SRPK1: variants seen among roughly 807,000 people sequenced by gnomAD.
SRPK1 encodes SRSF protein kinase 1.
A neutral mutation model predicts 89.5 loss-of-function variants in SRPK1; 52 were observed. That is an observed-to-expected ratio of 0.58 (90% CI 0.46 to 0.73). SRPK1 has a LOEUF of 0.73. SRPK1 is among the 30% of genes least tolerant of loss of function. The probability of loss-of-function intolerance (pLI) is 0.00; values close to 1 mark genes in which losing one functional copy is unlikely to be tolerated. For synonymous variants in SRPK1, 255 were observed against 270.2 expected (o/e 0.94, Z 0.55); for missense variants, 603 against 780.6 (o/e 0.77, Z 2.71).
chr6:35,867,528 A>C (rs1387088998), intron 12 of SRPK1, among the ~76,000 whole-genome samples: 1 of 152,222 alleles, frequency 6.6e-6, no homozygotes, highest in Non-Finnish European at 1.5e-5. Context: ...CATTAAAAAT[A>C]ACCTTGGTCA....
At chr6:35,915,406 C>CAAAAAA (rs560685673) in intron 2 of SRPK1, among the ~76,000 whole-genome samples, 3 of 73,878 alleles carry the variant, frequency 4.1e-5, no homozygotes, top group Admixed American at 1.6e-4. Flanking sequence ...GACACCGTCT[C>CAAAAAA]AAAAAAAAAA....
At chr6:35,864,912 T>C (rs1046502017) in intron 12 of SRPK1, among the ~76,000 whole-genome samples, 2 of 152,114 alleles carry the variant, frequency 1.3e-5, no homozygotes, top group African/African-American at 4.8e-5. Flanking sequence ...GATCATTATG[T>C]TAGATGAGAT....
At chr6:35,916,247 AATT>A (rs1281730187) in intron 2 of SRPK1, among the ~76,000 whole-genome samples, 102 of 149,744 alleles carry the variant, frequency 6.8e-4, no homozygotes, top group Middle Eastern at 6.8e-3. Flanking sequence ...TAAATAAATT[AATT>A]AATTAATTAA....
In SRPK1 at chr6:35,869,976, T is replaced by C; in HGVS notation, c.992-75A>G. ...AAGAACAGAAACATTTCTCACAAGA[T>C]TAAAACATTTTCTAGAACTTATACT... On this transcript the variant is annotated intron_variant, in intron 10 of 15. Coordinates refer to ENST00000373825, the MANE Select transcript of SRPK1 (RefSeq NM_003137.5). 3 of 1,440,004 alleles carry C rather than the reference T, an allele frequency of 2.1e-6. No individual in the cohort carries two copies. In the South Asian group the frequency reaches 4.4e-5, roughly 21 times the overall value. 89.2% of individuals were successfully genotyped at this position (1,440,004 alleles called of 1,614,324 possible). A position where few individuals can be genotyped will look rare whatever the true frequency, so the allele number is the denominator to read the frequency against.
intron 2 of SRPK1, among the ~76,000 whole-genome samples, chr6:35,898,350 T>A (rs924987487): frequency 6.6e-6 from 1 of 152,160 alleles, no homozygotes; most frequent in African/African-American, 2.4e-5. Context: ...CAGAGTGATA[T>A]AATGGACTCT....
rs939040992 is a variant in SRPK1 at position 35,834,357 on chromosome 6, T to C, written c.*947A>G. ...GCTGTACATGAAAGCAGGGGACTGT[T>C]TGGAAAAGAATCAGAATCTCAAGAT... On this transcript the variant is annotated 3_prime_UTR_variant, in exon 16 of 16. Coordinates refer to ENST00000373825, the MANE Select transcript of SRPK1 (RefSeq NM_003137.5). 3 of 152,150 alleles carry C rather than the reference T, an allele frequency of 2.0e-5. No homozygotes were observed. The highest frequency in any genetic ancestry group is 7.2e-5 in the African/African-American group (3 of 41,420). 9.4% of individuals were successfully genotyped at this position (152,150 alleles called of 1,614,324 possible). A position where few individuals can be genotyped will look rare whatever the true frequency, so the allele number is the denominator to read the frequency against.
intron 3 of SRPK1, among the ~76,000 whole-genome samples, chr6:35,889,860 A>G (rs1365567660): frequency 6.6e-6 from 1 of 151,786 alleles, no homozygotes; most frequent in Non-Finnish European, 1.5e-5. Context: ...GCACTTTGGG[A>G]GGCTGAGGCA....
chr6:35,907,719 T>A (rs1026822392), intron 2 of SRPK1, among the ~76,000 whole-genome samples: 113 of 150,844 alleles, frequency 7.5e-4, no homozygotes, highest in Admixed American at 1.3e-3. Flanking sequence ...AAATAAAAAA[T>A]AAAAAATAAA....
intron 12 of SRPK1, among the ~76,000 whole-genome samples, chr6:35,865,087 A>C (rs1705217248): frequency 6.6e-6 from 1 of 152,116 alleles, no homozygotes; most frequent in Non-Finnish European, 1.5e-5. Context: ...ATGGGTATAA[A>C]AAAATTACTT....
At chr6:35,910,338 A>G (rs772550731) in intron 2 of SRPK1, among the ~76,000 whole-genome samples, 1 of 152,326 alleles carries the variant, frequency 6.6e-6, no homozygotes, top group Non-Finnish European at 1.5e-5. Context: ...AGAAGATCAT[A>G]CCAACCACAA....
chr6:35,882,340 T>G (rs1450653481), intron 6 of SRPK1, among the ~76,000 whole-genome samples: 1 of 151,988 alleles, frequency 6.6e-6, no homozygotes. Flanking sequence ...TGTCAGAGAA[T>G]GCATCTTGTT....
At chr6:35,866,009 C>T (rs1256326022) in intron 12 of SRPK1, among the ~76,000 whole-genome samples, 2 of 151,228 alleles carry the variant, frequency 1.3e-5, no homozygotes, top group African/African-American at 2.4e-5. Context: ...AGAAACTCAA[C>T]TCAATTAAAA....
At chr6:35,873,411 T>C (rs1043840369) in intron 7 of SRPK1, among the ~76,000 whole-genome samples, 1 of 152,144 alleles carries the variant, frequency 6.6e-6, no homozygotes, top group Admixed American at 6.6e-5. Context: ...TGGGGGAAAA[T>C]GGTTATGCTA....
intron 6 of SRPK1, among the ~76,000 whole-genome samples, chr6:35,879,683 C>T (rs1167039972): frequency 1.3e-5 from 2 of 152,262 alleles, no homozygotes; most frequent in African/African-American, 2.4e-5. Flanking sequence ...TAGTTAAGTA[C>T]AGCATATTCA....
chr6:35,868,068 G>A (rs1284078670), intron 12 of SRPK1, among the ~76,000 whole-genome samples: 3 of 151,994 alleles, frequency 2.0e-5, no homozygotes, highest in Non-Finnish European at 4.4e-5. Context: ...TGCCTGCCAG[G>A]TTCAAGTGAT....
chr6:35,859,363 C>T (rs1223092794), intron 12 of SRPK1, among the ~76,000 whole-genome samples: 1 of 152,144 alleles, frequency 6.6e-6, no homozygotes, highest in Non-Finnish European at 1.5e-5. Context: ...GTCTCCCCCA[C>T]TGTGTACACG....
intron 14 of SRPK1, chr6:35,838,793 T>G (rs1207895679): frequency 7.3e-7 from 1 of 1,374,748 alleles, no homozygotes; most frequent in Non-Finnish European, 9.7e-7. Flanking sequence ...ATGTGCACAA[T>G]GTGGTCTAAA....
At chr6:35,887,764 G>A in intron 5 of SRPK1, 1 of 307,584 alleles carries the variant, frequency 3.3e-6, no homozygotes, top group Non-Finnish European at 5.9e-6. Flanking sequence ...AACATGCTCA[G>A]TGAATATTTT....
At chr6:35,893,998 G>A (rs925036035) in intron 2 of SRPK1, among the ~76,000 whole-genome samples, 8 of 151,914 alleles carry the variant, frequency 5.3e-5, no homozygotes, top group African/African-American at 9.7e-5. Flanking sequence ...GCGACAGAGC[G>A]AGACTCTGTC....
Sources: allele counts gnomAD v4.1 joint callset (sites outside exome capture counted in the v4.1 genomes callset), GRCh38; gene constraint gnomAD v4.1.1; transcripts MANE v1.5; gene names NCBI Gene and HGNC (gene_info 2026-07-23, HGNC 2026-07-21).